OR2L13: variants seen among roughly 807,000 people sequenced by gnomAD.
OR2L13 encodes the protein olfactory receptor family 2 subfamily L member 13, also known as olfactory receptor 2L13.
OR2L13 carries 14 observed loss-of-function variants against 15.3 expected under a neutral mutation model. That is an observed-to-expected ratio of 0.91 (90% CI 0.60 to 1.43). The LOEUF is 1.43. Ranked by LOEUF, OR2L13 falls within the 40% of genes most tolerant of loss-of-function variation. The pLI is 0.00. For missense variants in OR2L13, 367 were observed against 387.9 expected, an observed-to-expected ratio of 0.95 and a Z score of 0.45; for synonymous variants, 152 against 142.9, an observed-to-expected ratio of 1.06 and a Z score of -0.45.
the OR2L13 span, among the ~76,000 whole-genome samples, chr1:247,958,668 G>A: frequency 5.4e-4 from 82 of 152,150 alleles, no homozygotes; most frequent in African/African-American, 2.0e-3. Context: ...AGCTCTTCTC[G>A]TTGAATTGAT....
the OR2L13 span, among the ~76,000 whole-genome samples, chr1:248,031,302 G>A: frequency 1.3e-5 from 2 of 152,316 alleles, no homozygotes; most frequent in South Asian, 4.1e-4. Flanking sequence ...TAATCAAAGA[G>A]ATGCTACATT....
At chr1:248,004,779 A>G in the OR2L13 span, among the ~76,000 whole-genome samples, 1 of 152,224 alleles carries the variant, frequency 6.6e-6, no homozygotes, top group Non-Finnish European at 1.5e-5. Context: ...TTGGTATGGT[A>G]TAAGAATTGG....
At chr1:247,956,117 T>C in the OR2L13 span, among the ~76,000 whole-genome samples, 1 of 149,356 alleles carries the variant, frequency 6.7e-6, no homozygotes, top group African/African-American at 2.4e-5. Flanking sequence ...AATTAATTTT[T>C]GTATAAGGTG....
the OR2L13 span, among the ~76,000 whole-genome samples, chr1:247,991,883 C>T: frequency 0.031 from 4,578 of 149,432 alleles, 538 homozygotes; most frequent in African/African-American, 0.11. Context: ...TCCAGAAGAG[C>T]CCATTCCTGA....
the OR2L13 span, among the ~76,000 whole-genome samples, chr1:248,059,429 G>A: frequency 6.6e-6 from 1 of 152,124 alleles, no homozygotes; most frequent in East Asian, 1.9e-4. Flanking sequence ...AAAGCAATCT[G>A]TAATGTTATC....
chr1:248,033,174 A>G, the OR2L13 span, among the ~76,000 whole-genome samples: 4 of 152,142 alleles, frequency 2.6e-5, no homozygotes, highest in African/African-American at 7.2e-5. Context: ...AGGCTGTACA[A>G]TTTCATTTTG....
At chr1:248,067,915 A>T in the OR2L13 span, among the ~76,000 whole-genome samples, 1 of 152,226 alleles carries the variant, frequency 6.6e-6, no homozygotes, top group Admixed American at 6.5e-5. Flanking sequence ...TCTGAGATCA[A>T]ACTGCAAGGT....
chr1:247,965,546 C>G, the OR2L13 span: 1 of 1,610,932 alleles, frequency 6.2e-7, no homozygotes, highest in Admixed American at 1.7e-5. Flanking sequence ...AGACTCCACA[C>G]TCCAATGTAC....
the OR2L13 span, among the ~76,000 whole-genome samples, chr1:247,962,077 A>G: frequency 6.6e-6 from 1 of 152,200 alleles, no homozygotes; most frequent in East Asian, 1.9e-4. Flanking sequence ...ATGGAGTCCA[A>G]TTTTTTGCTT....
chr1:248,002,807 G>C, the OR2L13 span, among the ~76,000 whole-genome samples: 16 of 150,838 alleles, frequency 1.1e-4, no homozygotes, highest in South Asian at 1.9e-3. Flanking sequence ...GCAGTGAGCC[G>C]AGATCGCACC....
chr1:248,065,523 C>T, the OR2L13 span, among the ~76,000 whole-genome samples: 36 of 150,790 alleles, frequency 2.4e-4, no homozygotes, highest in African/African-American at 6.1e-4. Context: ...CATGCTGGTG[C>T]GCTGCACCCA....
chr1:247,937,705 G>A, the OR2L13 span, among the ~76,000 whole-genome samples: 1 of 152,196 alleles, frequency 6.6e-6, no homozygotes, highest in Non-Finnish European at 1.5e-5. Context: ...AGGCTCAGCT[G>A]CCGCTGGGAC....
the OR2L13 span, among the ~76,000 whole-genome samples, chr1:247,967,979 TCTC>T: frequency 1.3e-5 from 2 of 151,990 alleles, no homozygotes; most frequent in African/African-American, 2.4e-5. Flanking sequence ...CTCCTCTCGT[TCTC>T]CTTCTTCTTC....
chr1:248,022,669 G>A, the OR2L13 span: 27 of 1,613,982 alleles, frequency 1.7e-5, no homozygotes, highest in Middle Eastern at 9.9e-4. Context: ...TCGACCTGCA[G>A]CACCCACCTC....
chr1:247,961,703 C>T, the OR2L13 span, among the ~76,000 whole-genome samples: 4 of 152,176 alleles, frequency 2.6e-5, no homozygotes, highest in Non-Finnish European at 5.9e-5. Context: ...GGAGGACTCC[C>T]TGTGTTTTTA....
chr1:248,007,244 C>T, the OR2L13 span, among the ~76,000 whole-genome samples: 708 of 152,300 alleles, frequency 4.6e-3, 6 homozygotes, highest in African/African-American at 0.016. Context: ...CTCCTACTGA[C>T]ATTCCTGTAT....
At chr1:248,003,368 A>T in the OR2L13 span, 1 of 1,608,046 alleles carries the variant, frequency 6.2e-7, no homozygotes, top group South Asian at 1.1e-5. Flanking sequence ...TGTTCCTAAG[A>T]TGGCATCTGA....
At chr1:248,044,188 C>G in the OR2L13 span, among the ~76,000 whole-genome samples, 2 of 152,014 alleles carry the variant, frequency 1.3e-5, no homozygotes, top group East Asian at 1.9e-4. Flanking sequence ...TCTGACAAAA[C>G]GAGTGGACAA....
the OR2L13 span, among the ~76,000 whole-genome samples, chr1:248,016,087 T>C: frequency 6.6e-6 from 1 of 152,198 alleles, no homozygotes; most frequent in Non-Finnish European, 1.5e-5. Flanking sequence ...AATCTTTGTC[T>C]TCTATGAATA....
Sources: allele counts gnomAD v4.1 joint callset (sites outside exome capture counted in the v4.1 genomes callset), GRCh38; gene constraint gnomAD v4.1.1; transcripts MANE v1.5; gene names NCBI Gene and HGNC (gene_info 2026-07-23, HGNC 2026-07-21).